TUSC3: variants seen among roughly 807,000 people sequenced by gnomAD.
The protein encoded by TUSC3 is tumor suppressor candidate 3.
Under a neutral mutation model 44.8 loss-of-function variants are expected in TUSC3, and 45 were observed. That is an observed-to-expected ratio of 1.00 (90% CI 0.79 to 1.29). TUSC3 has a LOEUF of 1.29. Among genes scored for constraint, TUSC3 ranks in the 50% most tolerant of loss-of-function variants. The pLI is 0.00. For synonymous variants in TUSC3, 212 were observed against 152.9 expected, an observed-to-expected ratio of 1.39 and a Z score of -2.85; for missense variants, 519 against 437.9, an observed-to-expected ratio of 1.19 and a Z score of -1.65.
chr8:15,778,045 A>G, the TUSC3 span, among the ~76,000 whole-genome samples: 1 of 151,482 alleles, frequency 6.6e-6, no homozygotes, highest in African/African-American at 2.4e-5. Context: ...GCTTTCAATC[A>G]GAGACTCTGC....
intron 1 of TUSC3, among the ~76,000 whole-genome samples, chr8:15,564,296 A>G (rs1398571728): frequency 1.3e-5 from 2 of 152,244 alleles, no homozygotes; most frequent in South Asian, 2.1e-4. Flanking sequence ...ACATTTCTCT[A>G]ACAGCTAAAA....
intron 1 of TUSC3, among the ~76,000 whole-genome samples, chr8:15,419,447 A>G (rs1195527908): frequency 2.0e-5 from 3 of 152,214 alleles, no homozygotes; most frequent in African/African-American, 4.8e-5. Flanking sequence ...GGCGCCAGCA[A>G]TCATAATATT....
the TUSC3 span, among the ~76,000 whole-genome samples, chr8:15,816,682 A>G: frequency 6.6e-6 from 1 of 152,274 alleles, no homozygotes; most frequent in African/African-American, 2.4e-5. Context: ...TGTTTTTAGT[A>G]CCTAGAACAA....
rs535157675 is a variant in TUSC3 at position 15,555,988 on chromosome 8, T to C, written c.138+15420T>C. ...AAATAGAGGTAAAAATCAATTTTAT[T>C]TTTTATTTTTTTATTTTTTATTTTT... On this transcript the variant is annotated intron_variant, in intron 1 of 10. Transcript: ENST00000503731. 2.6e-5 allele frequency among the ~76,000 whole-genome samples: 4 copies of C among 151,110 alleles called. No individual in the cohort carries two copies. The East Asian group carries it at 7.9e-4, about 30-fold the overall frequency.
At position 15,526,255 on chromosome 8, in the gene TUSC3, G is replaced by A. The variant is rs183690831; in HGVS notation, n.189+42772G>A. Reference sequence around the variant, plus strand: ...TTATCATGTTAGCCAGGGTGGTCTCGATCTCCTGACCTCGTGATCTGCCCG... The same window carrying A: ...TTATCATGTTAGCCAGGGTGGTCTCAATCTCCTGACCTCGTGATCTGCCCG... On this transcript the variant is annotated intron_variant and non_coding_transcript_variant, in intron 2 of 5. Coordinates refer to the TUSC3 transcript ENST00000503191. Among the ~76,000 whole-genome samples, 1,426 of 152,122 alleles carry A rather than the reference G, an allele frequency of 9.4e-3. 17 individuals are homozygous for A. Among genetic ancestry groups the A allele is most frequent in the Non-Finnish European group, 0.011 (773 of 67,980 alleles).
intron 6 of TUSC3, among the ~76,000 whole-genome samples, chr8:15,686,793 G>C (rs2129187772): frequency 6.6e-6 from 1 of 152,256 alleles, no homozygotes; most frequent in East Asian, 1.9e-4. Flanking sequence ...AGCTGGCCGG[G>C]CGTGGTGGCT....
At chr8:15,711,646 T>C (rs937772519) in intron 6 of TUSC3, among the ~76,000 whole-genome samples, 12 of 151,782 alleles carry the variant, frequency 7.9e-5, no homozygotes, top group African/African-American at 2.9e-4. Context: ...TGTGTAGGCA[T>C]GGTTTGCTAA....
At chr8:15,812,352 G>A in the TUSC3 span, among the ~76,000 whole-genome samples, 3 of 152,136 alleles carry the variant, frequency 2.0e-5, no homozygotes, top group Admixed American at 2.0e-4. Context: ...TTCTATGGGA[G>A]TCAAAATATG....
At chr8:15,445,985 G>A (rs1162744195) in intron 1 of TUSC3, among the ~76,000 whole-genome samples, 1 of 151,566 alleles carries the variant, frequency 6.6e-6, no homozygotes, top group African/African-American at 2.4e-5. Flanking sequence ...CAGCTGCCCG[G>A]CGGAGACGCT....
chr8:15,559,123 T>G (rs1802368411), intron 1 of TUSC3, among the ~76,000 whole-genome samples: 1 of 145,408 alleles, frequency 6.9e-6, no homozygotes, highest in South Asian at 2.4e-4. Flanking sequence ...CTTTCCTGCT[T>G]TCTCTTGTGG....
chr8:15,822,068 G>T, the TUSC3 span, among the ~76,000 whole-genome samples: 1 of 152,104 alleles, frequency 6.6e-6, no homozygotes, highest in Non-Finnish European at 1.5e-5. Flanking sequence ...GAAGTTTCTG[G>T]TGAATCAGAT....
chr8:15,615,729 C>T (rs973868691), intron 1 of TUSC3, among the ~76,000 whole-genome samples: 2 of 151,730 alleles, frequency 1.3e-5, no homozygotes, highest in African/African-American at 2.4e-5. Flanking sequence ...CCCTCTCTAC[C>T]ATAAATATGT....
At chr8:15,794,347 C>T in the TUSC3 span, among the ~76,000 whole-genome samples, 1 of 152,120 alleles carries the variant, frequency 6.6e-6, no homozygotes, top group South Asian at 2.1e-4. Flanking sequence ...ACTGTTGGGC[C>T]TTCCATGTTT....
At chr8:15,701,503 G>T (rs1809404327) in intron 6 of TUSC3, among the ~76,000 whole-genome samples, 1 of 152,144 alleles carries the variant, frequency 6.6e-6, no homozygotes, top group Non-Finnish European at 1.5e-5. Context: ...TAATTTTGTA[G>T]TCGATATAGT....
chr8:15,548,651 C>T (rs1801954793), intron 1 of TUSC3, among the ~76,000 whole-genome samples: 1 of 151,770 alleles, frequency 6.6e-6, no homozygotes, highest in African/African-American at 2.4e-5. Flanking sequence ...AATAACCTTC[C>T]TTATTGTTTA....
intron 1 of TUSC3, among the ~76,000 whole-genome samples, chr8:15,428,967 T>G (rs1269275074): frequency 6.6e-6 from 1 of 152,228 alleles, no homozygotes; most frequent in Non-Finnish European, 1.5e-5. Context: ...AGAAGCTCTT[T>G]AGTTTAATTA....
At chr8:15,820,305 T>G in the TUSC3 span, among the ~76,000 whole-genome samples, 2 of 136,958 alleles carry the variant, frequency 1.5e-5, 1 homozygote, top group Admixed American at 1.7e-4. Flanking sequence ...TATTGATCTG[T>G]AATTCTTTTT....
chr8:15,612,471 T>A (rs1804805852), intron 1 of TUSC3, among the ~76,000 whole-genome samples: 1 of 152,234 alleles, frequency 6.6e-6, no homozygotes, highest in African/African-American at 2.4e-5. Context: ...GTATTTTTGG[T>A]TATAAATTGG....
intron 6 of TUSC3, among the ~76,000 whole-genome samples, chr8:15,697,628 G>C (rs1168431061): frequency 1.3e-5 from 2 of 152,268 alleles, no homozygotes; most frequent in African/African-American, 4.8e-5. Flanking sequence ...TTGAATGAGT[G>C]AATGAATGAG....
Sources: gnomAD v4.1 joint callset for allele counts (sites outside exome capture counted in the v4.1 genomes callset) on GRCh38, gnomAD v4.1.1 for gene constraint, MANE v1.5 for transcripts, NCBI Gene and HGNC (gene_info 2026-07-23, HGNC 2026-07-21) for gene names.